The following PCTP variants were observed in gnomAD, a reference collection of about 807,000 sequenced individuals.
The protein encoded by PCTP is phosphatidylcholine transfer protein, also known as START domain-containing protein 2.
In PCTP, 27 loss-of-function variants were observed where a neutral mutation model predicts 31.0. That is an observed-to-expected ratio of 0.87 (90% confidence interval 0.64 to 1.20). The LOEUF (loss-of-function observed/expected upper bound fraction) is 1.20. PCTP is among the 50% of genes most tolerant of loss of function. PCTP has a pLI of 0.00. For missense variants in PCTP, 287 were observed against 268.2 expected, an observed-to-expected ratio of 1.07 and a Z score of -0.49; for synonymous variants, 108 against 101.2, an observed-to-expected ratio of 1.07 and a Z score of -0.40.
At chr17:55,848,084 G>A in the PCTP span, among the ~76,000 whole-genome samples, 1 of 151,886 alleles carries the variant, frequency 6.6e-6, no homozygotes, top group Admixed American at 6.6e-5. Context: ...CACCACACCC[G>A]GCTAATTTTT....
chr17:55,758,334 C>T (rs202195458), intron 1 of PCTP, among the ~76,000 whole-genome samples: 1 of 152,126 alleles, frequency 6.6e-6, no homozygotes, highest in Non-Finnish European at 1.5e-5. Context: ...TGCTCTTGAC[C>T]TACTAAAATT....
At chr17:55,826,469 A>AG, downstream of PCTP, among the ~76,000 whole-genome samples, 1 of 149,356 alleles carries the variant, frequency 6.7e-6, no homozygotes, top group East Asian at 2.0e-4. Flanking sequence ...AAAGATAAGA[A>AG]AAAAAAAAAA....
At chr17:55,757,760 G>A (rs551341651) in intron 1 of PCTP, among the ~76,000 whole-genome samples, 3 of 152,186 alleles carry the variant, frequency 2.0e-5, no homozygotes, top group African/African-American at 4.8e-5. Context: ...AACCACTGGT[G>A]GATGGGGAGC....
At chr17:55,837,373 C>T (rs1461502219) in intron 5 of PCTP, among the ~76,000 whole-genome samples, 5 of 152,238 alleles carry the variant, frequency 3.3e-5, no homozygotes, top group Middle Eastern at 3.4e-3. Flanking sequence ...AGATTGTATT[C>T]GTACGGTGTT....
intron 3 of PCTP, among the ~76,000 whole-genome samples, chr17:55,803,907 C>A (rs1912483087): frequency 2.8e-5 from 4 of 142,524 alleles, no homozygotes; most frequent in African/African-American, 8.5e-5. Context: ...AAAAAAAAAC[C>A]AGGATCAGAG....
At chr17:55,780,244 A>G (rs1234892153), downstream of PCTP, among the ~76,000 whole-genome samples, 1 of 152,142 alleles carries the variant, frequency 6.6e-6, no homozygotes. Flanking sequence ...GTCTCTTTGG[A>G]TACACATAAT....
chr17:55,810,593 T>C (rs1912720492), intron 3 of PCTP, among the ~76,000 whole-genome samples: 1 of 152,232 alleles, frequency 6.6e-6, no homozygotes, highest in African/African-American at 2.4e-5. Flanking sequence ...ATCTACTCGT[T>C]GTCCCTAAAA....
chr17:55,812,247 T>C (rs1280707893), intron 3 of PCTP, among the ~76,000 whole-genome samples: 1 of 152,182 alleles, frequency 6.6e-6, no homozygotes, highest in Non-Finnish European at 1.5e-5. Context: ...CAAACATCAC[T>C]ACCAACATTT....
chr17:55,777,427 C>T (rs1911395215), downstream of PCTP: 1 of 957,048 alleles, frequency 1.0e-6, no homozygotes, highest in African/African-American at 1.8e-5. Context: ...GAGTGTGCAT[C>T]AGTTAGATCT....
intron 5 of PCTP, among the ~76,000 whole-genome samples, chr17:55,834,020 G>A (rs1401936232): frequency 1.3e-5 from 2 of 151,942 alleles, no homozygotes; most frequent in Non-Finnish European, 2.9e-5. Flanking sequence ...AAAAATGTAG[G>A]TGAATTAGAA....
chr17:55,851,595 T>C, the PCTP span, among the ~76,000 whole-genome samples: 1 of 152,202 alleles, frequency 6.6e-6, no homozygotes, highest in Admixed American at 6.5e-5. Flanking sequence ...AAACCTTCCT[T>C]CTCAAAGAGT....
intron 5 of PCTP, among the ~76,000 whole-genome samples, chr17:55,831,282 A>T (rs991572034): frequency 6.6e-6 from 1 of 152,154 alleles, no homozygotes; most frequent in Non-Finnish European, 1.5e-5. Context: ...GAGGTTCAGG[A>T]GAGCTTATTA....
Position 55,776,992 on chromosome 17 carries a change from C to T in PCTP, c.*892C>T. 1.0e-6 allele frequency: 1 copy of T among 985,666 alleles called. No homozygotes were observed. The highest frequency in any genetic ancestry group is 1.2e-6 in the Non-Finnish European group (1 of 829,992). The allele number at this position is 985,666 out of a possible 1,614,324, so 61.1% of individuals were successfully genotyped here. ...TCTATGCAATAAGATGAATTTTCCTCCCAGAATATTTAGAAATGTAGAAGG... is the reference window on the plus strand; with the variant it reads ...TCTATGCAATAAGATGAATTTTCCTTCCAGAATATTTAGAAATGTAGAAGG... On this transcript the variant is annotated 3_prime_UTR_variant, in exon 6 of 6. Transcript: ENST00000268896.
At chr17:55,804,327 C>T (rs1912502627) in intron 3 of PCTP, among the ~76,000 whole-genome samples, 1 of 152,134 alleles carries the variant, frequency 6.6e-6, no homozygotes, top group Admixed American at 6.5e-5. Context: ...AGATCTAGAA[C>T]CAGAAATGCC....
chr17:55,820,464 G>A lies in PCTP; in HGVS notation c.318-2297G>A, dbSNP rs547449459. Among the ~76,000 whole-genome samples the A allele has an allele frequency of 3.9e-5, 6 of 152,216 alleles. No individual in the cohort carries two copies. The South Asian group carries it at 8.3e-4, about 21-fold the overall frequency. ...GTTATTAGGTCCTCACATGATAGAA[G>A]GGATGAAAGGGCCAAGGGGATGAAT... On this transcript the variant is annotated intron_variant, in intron 3 of 3. Transcript: ENST00000572536.
At chr17:55,774,885 GGGA>G in intron 5 of PCTP, 26 bp downstream of exon 5, 2 of 564,550 alleles carry the variant, frequency 3.5e-6, no homozygotes, top group African/African-American at 2.0e-5. Context: ...GTGGGGCGGG[GGGA>G]GGGATGGGGG....
At chr17:55,847,038 G>A (rs1421148907), downstream of PCTP, among the ~76,000 whole-genome samples, 3 of 152,190 alleles carry the variant, frequency 2.0e-5, no homozygotes, top group African/African-American at 7.2e-5. Context: ...TGATTGCCAT[G>A]TAGTAGCCTT....
chr17:55,818,163 G>T (rs1170752753), intron 3 of PCTP, among the ~76,000 whole-genome samples: 1 of 152,218 alleles, frequency 6.6e-6, no homozygotes, highest in Non-Finnish European at 1.5e-5. Flanking sequence ...GTTGCATGGG[G>T]GAGGCAGTTG....
Position 55,776,034 on chromosome 17 carries a change from G to T in PCTP, c.580-1G>T. 2 of 1,613,862 alleles carry T rather than the reference G, an allele frequency of 1.2e-6. No individual in the cohort carries two copies. Among genetic ancestry groups the T allele is most frequent in the Non-Finnish European group, 1.7e-6 (2 of 1,179,906 alleles). On this transcript the variant is annotated splice_acceptor_variant, in intron 5 of 5. Coordinates refer to ENST00000268896, the MANE Select transcript of PCTP (RefSeq NM_021213.4). LOFTEE classifies it high-confidence loss of function. The stretch of plus-strand genomic sequence containing the variant: ...AAATGACAGTCTCATTTCCTTTGCA[G>T]AATGGAGTTCCTAACTTCTTGAAAG...
Sources: allele counts gnomAD v4.1 joint callset (sites outside exome capture counted in the v4.1 genomes callset), GRCh38; gene constraint gnomAD v4.1.1; transcripts MANE v1.5; gene names NCBI Gene and HGNC (gene_info 2026-07-23, HGNC 2026-07-21).